LIF: variants seen among roughly 807,000 people sequenced by gnomAD.
The protein encoded by LIF is LIF interleukin 6 family cytokine.
Under a neutral mutation model 15.0 loss-of-function variants are expected in LIF, and 9 were observed. The observed-to-expected ratio is 0.60, with a 90% CI of 0.36 to 1.04. The LOEUF (loss-of-function observed/expected upper bound fraction) is 1.04, where lower values mean the gene tolerates loss of function less well. Among genes scored for constraint, LIF ranks in the 50% least tolerant of loss-of-function variants. The pLI is 0.01. For missense variants in LIF, 240 were observed against 266.7 expected, an observed-to-expected ratio of 0.90 and a Z score of 0.70; for synonymous variants, 122 against 119.7, an observed-to-expected ratio of 1.02 and a Z score of -0.13.
Position 30,244,794 on chromosome 22 carries a change from T to C in LIF, c.159A>G (p.Ala53=). ...NLMNQIRSQL[A]QLNGSANALF... ...GGGCATTGGCACTGCCATTGAGCTG[T>C]GCCAGTTGGCTCCTGATCTGGTTCA... Residue 53 remains alanine, a synonymous_variant, in exon 2 of 3, where the codon GCA becomes GCG. Coordinates refer to ENST00000249075, the MANE Select transcript of LIF (RefSeq NM_002309.5). 6.2e-7 allele frequency: 1 copy of C among 1,614,222 alleles called. No homozygotes were observed. Among genetic ancestry groups the C allele is most frequent in the Non-Finnish European group, 8.5e-7 (1 of 1,180,036 alleles).
Position 30,243,980 on chromosome 22 carries a change from C to G in LIF, c.280G>C (p.Ala94Pro). 6.2e-7 allele frequency: 1 copy of G among 1,613,878 alleles called. No individual in the cohort carries two copies. Among genetic ancestry groups the G allele is most frequent in the South Asian group, 1.1e-5 (1 of 91,080 alleles). The change falls in exon 3 of 3, where the codon GCC (alanine) becomes CCC (proline). Residue 94 changes from alanine to proline, a missense_variant. Coordinates refer to ENST00000249075, the MANE Select transcript of LIF (RefSeq NM_002309.5). The surrounding 1 kb of genome is among the most constrained non-coding windows in gnomAD (Gnocchi z 6.0). ...AGCTTGGCCTTCTCCGTGCCGTTGG[C>G]GTGGAAGGGCGGGAAGTCCGTCACG... ...PNVTDFPPFH[A>P]NGTEKAKLVE... is the part of the protein sequence containing the mutation.
intron 2 of LIF, 125 bp from the exon 3 acceptor site, chr22:30,244,186 T>A: frequency 2.3e-6 from 2 of 867,978 alleles, no homozygotes; most frequent in Non-Finnish European, 3.5e-6. Flanking sequence ...CTCCTTGCCC[T>A]GTAAGCATCT....
chr22:30,246,421 G>A lies in LIF; in HGVS notation c.19+256C>T, dbSNP rs531379472. 1.1e-3 allele frequency: 1,282 copies of A among 1,167,936 alleles called. 1 individual carries two copies. Among genetic ancestry groups the A allele is most frequent in the Admixed American group, 1.7e-3 (38 of 21,828 alleles). 72.3% of individuals were successfully genotyped at this position (1,167,936 alleles called of 1,614,324 possible). On this transcript the variant is annotated intron_variant, in intron 1 of 2. Coordinates refer to ENST00000249075, the MANE Select transcript of LIF (RefSeq NM_002309.5). ...AGGAGGAGGAGGAGGAGAAGGAGAGGGGGAAGAAGAGGAGGAGGAGGAAGG... is the reference window on the plus strand; with the variant it reads ...AGGAGGAGGAGGAGGAGAAGGAGAGAGGGAAGAAGAGGAGGAGGAGGAAGG...
chr22:30,244,154 C>G (rs771029224), intron 2 of LIF, 93 bp from the exon 3 acceptor site: 5 of 1,253,492 alleles, frequency 4.0e-6, no homozygotes, highest in Non-Finnish European at 5.5e-6. Context: ...TCTGTTTCCC[C>G]ATCTAGCGCA....
At chr22:30,246,356 A>G (rs1928891063) in intron 1 of LIF, 2 of 558,896 alleles carry the variant, frequency 3.6e-6, no homozygotes, top group Non-Finnish European at 5.0e-6. Context: ...AATCTGGGAG[A>G]AAGCGCAGAG....
Position 30,241,291 on chromosome 22 carries a change from T to C in LIF, c.*2360A>G, listed in dbSNP as rs958143519. On this transcript the variant is annotated 3_prime_UTR_variant, in exon 3 of 3. Coordinates refer to ENST00000249075, the MANE Select transcript of LIF (RefSeq NM_002309.5). This position sits in a 1 kb window ranked among gnomAD's most constrained non-coding sequence, Gnocchi z 4.4. ...ACAGGGAGATGAGGTGATGGGCGAGTCAGCCGGGCCCCCCGGGTGGAATCA... is the reference window on the plus strand; with the variant it reads ...ACAGGGAGATGAGGTGATGGGCGAGCCAGCCGGGCCCCCCGGGTGGAATCA... The C allele has an allele frequency of 2.0e-5, 3 of 152,096 alleles. No individual in the cohort carries two copies. Among genetic ancestry groups the C allele is most frequent in the African/African-American group, 7.2e-5 (3 of 41,388 alleles). The allele number at this position is 152,096 out of a possible 1,614,324, so 9.4% of individuals were successfully genotyped here. A position where few individuals can be genotyped will look rare whatever the true frequency, so the allele number is the denominator to read the frequency against.
chr22:30,240,738 G>A lies in LIF; in HGVS notation c.*2913C>T, dbSNP rs903656288. ...ATGCCGGGATTGAGGTGGGGAACTA[G>A]AGATGACTCTAAGGCAGGAACATCT... is the stretch of plus-strand genomic sequence containing the variant. On this transcript the variant is annotated 3_prime_UTR_variant, in exon 3 of 3. Transcript: ENST00000249075. 1 of 152,512 alleles carries A rather than the reference G, an allele frequency of 6.6e-6. No homozygotes were observed. The highest frequency in any genetic ancestry group is 1.9e-4 in the East Asian group (1 of 5,236). The allele number at this position is 152,512 out of a possible 1,614,324, so 9.4% of individuals were successfully genotyped here.
intron 2 of LIF, 83 bp from the exon 3 acceptor site, chr22:30,244,144 T>A: frequency 7.3e-7 from 1 of 1,377,456 alleles, no homozygotes; most frequent in Non-Finnish European, 9.9e-7. Flanking sequence ...AGCTCTTGCG[T>A]CTGTTTCCCC....
intron 2 of LIF, among the ~76,000 whole-genome samples, chr22:30,244,524 C>T (rs920325925): frequency 1.3e-5 from 2 of 152,130 alleles, no homozygotes; most frequent in African/African-American, 2.4e-5. Context: ...AGTGCCAGGT[C>T]CCCACCTTTG....
chr22:30,245,942 A>G (rs1928870766), intron 1 of LIF, among the ~76,000 whole-genome samples: 1 of 152,138 alleles, frequency 6.6e-6, no homozygotes, highest in Admixed American at 6.5e-5. Context: ...AGGCCCCCTT[A>G]GACGCTTTTC....
At position 30,243,247 on chromosome 22, in the gene LIF, G is replaced by A; in HGVS notation, c.*404C>T. ...CCTAAGGGGCAGCAAAGGCACAGAT[G>A]GTGATAATTTGCTGGGGGCTGGTCC... On this transcript the variant is annotated 3_prime_UTR_variant, in exon 3 of 3. Transcript: ENST00000249075. The surrounding 1 kb of genome is among the most constrained non-coding windows in gnomAD (Gnocchi z 6.0). The A allele has an allele frequency of 3.1e-6, 1 of 318,556 alleles. No homozygotes were observed. Among genetic ancestry groups the A allele is most frequent in the Admixed American group, 4.4e-5 (1 of 22,496 alleles). 19.7% of individuals were successfully genotyped at this position (318,556 alleles called of 1,614,324 possible).
In LIF at chr22:30,246,339, G is replaced by A. The variant is rs1055299179; in HGVS notation, c.19+338C>T. ...AAGAAAGAAAAGAAAAAGAGAGAGG[G>A]AGAGTGAATCTGGGAGAAAGCGCAG... is the stretch of plus-strand genomic sequence containing the variant. On this transcript the variant is annotated intron_variant, in intron 1 of 2. Transcript: ENST00000249075. 3 of 451,220 alleles carry A rather than the reference G, an allele frequency of 6.6e-6. No homozygotes were observed. In the East Asian group the frequency reaches 1.8e-4, roughly 27 times the overall value. 28.0% of individuals were successfully genotyped at this position (451,220 alleles called of 1,614,324 possible).
At position 30,241,496 on chromosome 22, in the gene LIF, T is replaced by G. The variant is rs530403041; in HGVS notation, c.*2155A>C. The G allele has an allele frequency of 6.5e-6, 1 of 152,936 alleles. No homozygotes were observed. The highest frequency in any genetic ancestry group is 1.5e-5 in the Non-Finnish European group (1 of 68,116). The allele number at this position is 152,936 out of a possible 1,614,324, so 9.5% of individuals were successfully genotyped here. A position where few individuals can be genotyped will look rare whatever the true frequency, so the allele number is the denominator to read the frequency against. On this transcript the variant is annotated 3_prime_UTR_variant, in exon 3 of 3. Coordinates refer to ENST00000249075, the MANE Select transcript of LIF (RefSeq NM_002309.5). The surrounding 1 kb of genome is among the most constrained non-coding windows in gnomAD (Gnocchi z 4.4). ...TCGTCTTGCTGTTGGGATGGACAGA[T>G]GGACAACTCCGGGCCGCACCCTCCA...
At chr22:30,244,988 G>A in intron 1 of LIF, 55 bp from the exon 2 acceptor site, 1 of 1,576,540 alleles carries the variant, frequency 6.3e-7, no homozygotes, top group Non-Finnish European at 8.7e-7. Flanking sequence ...GGTGGCCTGG[G>A]GTCATGGCAC....
rs772637520 is a variant in LIF, at chr22:30,244,844, G to A, written c.109C>T (p.Arg37Cys). ...ATGAGGTTGTTGTGACATGGGTGGC[G>A]TATGGCACAGGTGGCGTTGACAGGG... ...ITPVNATCAI[R>C]HPCHNNLMNQ... The change falls in exon 2 of 3, where the codon CGC becomes TGC. Residue 37 changes from arginine (R) to cysteine (C), a missense_variant. Arg to Cys is a radical substitution (Grantham distance 180). Transcript: ENST00000249075. 8.7e-6 allele frequency: 14 copies of A among 1,614,004 alleles called. No individual in the cohort carries two copies. The highest frequency in any genetic ancestry group is 3.3e-5 in the South Asian group (3 of 91,094).
intron 1 of LIF, chr22:30,246,429 AGAG>A (rs1372311803): frequency 5.7e-5 from 68 of 1,184,954 alleles, no homozygotes; most frequent in Middle Eastern, 6.3e-4. Flanking sequence ...AGGGGGAAGA[AGAG>A]GAGGAGGAGG....
In LIF at chr22:30,244,044, C is replaced by T; in HGVS notation, c.216G>A (p.Glu72=). 6.2e-7 allele frequency: 1 copy of T among 1,609,264 alleles called. No homozygotes were observed. The highest frequency in any genetic ancestry group is 8.5e-7 in the Non-Finnish European group (1 of 1,179,336). ...GCTTGTCCAGGTTGTTGGGGAACGG[C>T]TCCCCCTGGGCTGTGTACTGAGGGG... The part of the protein sequence containing the change: ...LFILYYTAQG[E]PFPNNLDKLC... The change falls in exon 3 of 3, where the codon GAG becomes GAA. Residue 72 remains glutamate (E), a synonymous_variant. Coordinates refer to ENST00000249075, the MANE Select transcript of LIF (RefSeq NM_002309.5).
At position 30,242,565 on chromosome 22, in the gene LIF, T is replaced by C. The variant is rs2123831237; in HGVS notation, c.*1086A>G. On this transcript the variant is annotated 3_prime_UTR_variant, in exon 3 of 3. Transcript: ENST00000249075. The stretch of plus-strand genomic sequence containing the variant: ...GCCACTGAAAGCACCAATAAGTTAA[T>C]ATAAATAGGATATCATAATAAATAG... 6.5e-6 allele frequency: 1 copy of C among 152,794 alleles called. No individual in the cohort carries two copies. The highest frequency in any genetic ancestry group is 2.1e-4 in the South Asian group (1 of 4,824). 9.5% of individuals were successfully genotyped at this position (152,794 alleles called of 1,614,324 possible). A position where few individuals can be genotyped will look rare whatever the true frequency, so the allele number is the denominator to read the frequency against.
In LIF at chr22:30,243,413, T is replaced by C. The variant is rs1437812162; in HGVS notation, c.*238A>G. 2 of 592,580 alleles carry C rather than the reference T, an allele frequency of 3.4e-6. No individual in the cohort carries two copies. The highest frequency in any genetic ancestry group is 5.7e-5 in the East Asian group (2 of 35,130). 36.7% of individuals were successfully genotyped at this position (592,580 alleles called of 1,614,324 possible). The stretch of plus-strand genomic sequence containing the variant: ...CCAGCCCACGCTCCCCAGTCCACAA[T>C]CTCCCAGAGGAAGGGGCACCTTCTT... On this transcript the variant is annotated 3_prime_UTR_variant, in exon 3 of 3. Coordinates refer to ENST00000249075, the MANE Select transcript of LIF (RefSeq NM_002309.5). The surrounding 1 kb of genome is among the most constrained non-coding windows in gnomAD (Gnocchi z 6.0).
Sources: allele counts gnomAD v4.1 joint callset (sites outside exome capture counted in the v4.1 genomes callset), GRCh38; gene constraint gnomAD v4.1.1; non-coding constraint Gnocchi (gnomAD v3.1); transcripts MANE v1.5; gene names NCBI Gene and HGNC (gene_info 2026-07-23, HGNC 2026-07-21).